The following STS variants were observed in gnomAD, a reference collection of about 807,000 sequenced individuals.
STS encodes the protein steroid sulfatase.
Under a neutral mutation model 26.8 loss-of-function variants are expected in STS, and 7 were observed. That is an observed-to-expected ratio of 0.26 (90% CI 0.15 to 0.49). The LOEUF (loss-of-function observed/expected upper bound fraction) is 0.49. Among genes scored for constraint, STS ranks in the 20% least tolerant of loss-of-function variants. STS has a pLI of 0.98. For synonymous variants in STS, 199 were observed against 189.4 expected, an observed-to-expected ratio of 1.05 and a Z score of -0.42; for missense variants, 434 against 465.6, an observed-to-expected ratio of 0.93 and a Z score of 0.63.
In STS at chrX:7,276,312, T is replaced by TA. The variant is rs1322244843; in HGVS notation, c.943+234dup. Among the ~76,000 whole-genome samples the TA allele has an allele frequency of 1.9e-4, 21 of 108,544 alleles. 1 individual carries two copies. Among genetic ancestry groups the TA allele is most frequent in the Non-Finnish European group, 1.7e-4 (9 of 52,171 alleles). 94.3% of individuals were successfully genotyped at this position (108,544 alleles called of 115,157 possible). On this transcript the variant is annotated intron_variant, in intron 7 of 10. Coordinates refer to ENST00000674429, the MANE Select transcript of STS (RefSeq NM_001320752.2). ...AGGGAGACCCCATCTCTACAAAAAA[T>TA]AAAAAAAAATCAGCCAGGTGTGGTG...
chrX:7,276,745 C>T (rs1403830730), intron 7 of STS, among the ~76,000 whole-genome samples: 1 of 112,136 alleles, frequency 8.9e-6, no homozygotes, highest in East Asian at 2.8e-4. Context: ...ACGAGATCCT[C>T]GTGTTCTTCT....
chrX:7,258,732 T>C (rs1601692755), intron 5 of STS, among the ~76,000 whole-genome samples: 4 of 111,663 alleles, frequency 3.6e-5, no homozygotes, highest in Admixed American at 9.5e-5. Flanking sequence ...ATAAGAAATT[T>C]TCAGAGGTGC....
chrX:7,260,097 G>A (rs1035386919), intron 6 of STS, among the ~76,000 whole-genome samples: 4 of 111,897 alleles, frequency 3.6e-5, no homozygotes. Context: ...GGATGGTCTC[G>A]ATCTCTTGAC....
chrX:7,304,068 T>A (rs1176675349), intron 7 of STS, among the ~76,000 whole-genome samples: 1 of 105,807 alleles, frequency 9.5e-6, no homozygotes, highest in Non-Finnish European at 1.9e-5. Context: ...TTCTCTGGTG[T>A]ACTTTTTACT....
At chrX:7,276,278 C>T (rs186173605) in intron 7 of STS, among the ~76,000 whole-genome samples, 191 bp downstream of exon 7, 1 of 110,085 alleles carries the variant, frequency 9.1e-6, no homozygotes, top group East Asian at 2.9e-4. Context: ...TCACCAGCCT[C>T]GGCAACATAG....
chrX:7,340,487 G>A (rs1419626373), intron 10 of STS, among the ~76,000 whole-genome samples: 6 of 112,080 alleles, frequency 5.4e-5, no homozygotes, highest in Non-Finnish European at 1.1e-4. Context: ...CTTGAAATTT[G>A]TCATCTCTTT....
In STS at chrX:7,242,788, C is replaced by T. The variant is rs147548585; in HGVS notation, c.-4-10408C>T. On this transcript the variant is annotated intron_variant, in intron 2 of 10. Coordinates refer to ENST00000674429, the MANE Select transcript of STS (RefSeq NM_001320752.2). ...AAGAAAACCTCAACAGCATAAACTG[C>T]AGTTCTGACTCCACTGCCCACCTTA... is the stretch of plus-strand genomic sequence containing the variant. Among the ~76,000 whole-genome samples the T allele has an allele frequency of 9.0e-3, 1,007 of 111,738 alleles. 10 individuals are homozygous for T. The highest frequency in any genetic ancestry group is 0.015 in the Admixed American group (160 of 10,496).
intron 9 of STS, among the ~76,000 whole-genome samples, chrX:7,330,619 C>T (rs1489489022): frequency 8.9e-6 from 1 of 112,493 alleles, no homozygotes; most frequent in Non-Finnish European, 1.9e-5. Context: ...CTCCCAGTAA[C>T]TTTTGCTGAC....
At chrX:7,148,574 C>T (rs1932937197) in intron 1 of STS, among the ~76,000 whole-genome samples, 1 of 112,616 alleles carries the variant, frequency 8.9e-6, no homozygotes, top group South Asian at 3.6e-4. Context: ...TTCTAGCCAT[C>T]AGGTTGCAGA....
At chrX:7,167,176 CTTT>C (rs1386887040) in intron 1 of STS, among the ~76,000 whole-genome samples, 20 of 111,156 alleles carry the variant, frequency 1.8e-4, no homozygotes, top group African/African-American at 5.6e-4. Context: ...GTGGGGTCCT[CTTT>C]CAAGCTCAAT....
intron 2 of STS, among the ~76,000 whole-genome samples, chrX:7,215,021 TATTATATATGTATA>T (rs1434502418): frequency 1.4e-5 from 1 of 72,889 alleles, no homozygotes; most frequent in East Asian, 4.1e-4. Context: ...TATATATATA[TATTATATATGTATA>T]TATATACATA....
intron 10 of STS, among the ~76,000 whole-genome samples, chrX:7,343,345 A>G (rs776937262): frequency 1.7e-4 from 19 of 112,207 alleles, no homozygotes; most frequent in Non-Finnish European, 3.6e-4. Flanking sequence ...ATGTCTTACG[A>G]CATGTATTAC....
intron 6 of STS, among the ~76,000 whole-genome samples, chrX:7,265,897 A>T (rs1349073899): frequency 1.8e-5 from 2 of 112,380 alleles, no homozygotes; most frequent in Admixed American, 9.4e-5. Flanking sequence ...TGGCCTTGAT[A>T]TGTTACCAAA....
intron 6 of STS, among the ~76,000 whole-genome samples, chrX:7,275,737 A>G (rs1265950327): frequency 9.0e-6 from 1 of 111,168 alleles, no homozygotes; most frequent in African/African-American, 3.3e-5. Flanking sequence ...TTACTGATCC[A>G]TAGAGGGTAA....
At chrX:7,198,516 T>C (rs1314713172) in intron 2 of STS, among the ~76,000 whole-genome samples, 1 of 111,826 alleles carries the variant, frequency 8.9e-6, no homozygotes, top group Non-Finnish European at 1.9e-5. Flanking sequence ...CTTTCTAAAC[T>C]TGTGGCGAAT....
intron 2 of STS, among the ~76,000 whole-genome samples, chrX:7,218,256 T>A (rs1367989687): frequency 8.9e-6 from 1 of 112,678 alleles, no homozygotes; most frequent in Non-Finnish European, 1.9e-5. Flanking sequence ...AATTTTATTT[T>A]AACTTTGCAT....
intron 2 of STS, among the ~76,000 whole-genome samples, chrX:7,203,793 G>T (rs9698279): frequency 0.067 from 7,189 of 107,612 alleles, 264 homozygotes; most frequent in Admixed American, 0.14. Flanking sequence ...TATATATATA[G>T]AGAGAGAGAG....
At chrX:7,178,625 CATT>C (rs1490533685) in intron 1 of STS, among the ~76,000 whole-genome samples, 1 of 112,368 alleles carries the variant, frequency 8.9e-6, no homozygotes, top group African/African-American at 3.2e-5. Context: ...TCAAGTAAAA[CATT>C]ATTCTTTCCT....
chrX:7,181,844 G>A (rs1933687348), intron 1 of STS, among the ~76,000 whole-genome samples: 2 of 112,112 alleles, frequency 1.8e-5, no homozygotes, highest in Non-Finnish European at 3.8e-5. Context: ...CCAGCACTTT[G>A]GGAGGCTAAG....
Sources: gnomAD v4.1 joint callset for allele counts (sites outside exome capture counted in the v4.1 genomes callset) on GRCh38, gnomAD v4.1.1 for gene constraint, MANE v1.5 for transcripts, NCBI Gene and HGNC (gene_info 2026-07-23, HGNC 2026-07-21) for gene names.